Variants in PTPRN2 observed in about 807,000 individuals in gnomAD.
The protein encoded by PTPRN2 is protein tyrosine phosphatase receptor type N2, also known as receptor-type tyrosine-protein phosphatase N2.
In PTPRN2, 74 loss-of-function variants were observed where a neutral mutation model predicts 118.8. The observed-to-expected ratio is 0.62, with a 90% CI of 0.52 to 0.76. PTPRN2 has a LOEUF of 0.76. Among genes scored for constraint, PTPRN2 ranks in the 30% least tolerant of loss-of-function variants. The pLI is 0.00. For synonymous variants in PTPRN2, 641 were observed against 608.0 expected (o/e 1.05, Z -0.80); for missense variants, 1,481 against 1,394.4 (o/e 1.06, Z -0.99).
intron 11 of PTPRN2, among the ~76,000 whole-genome samples, chr7:158,057,610 C>T (rs1227052324): frequency 6.6e-6 from 1 of 152,202 alleles, no homozygotes; most frequent in African/African-American, 2.4e-5. Context: ...GGCCAGCTGC[C>T]CTCCCCTCCT....
At chr7:157,895,050 C>CCA (rs781544570) in intron 12 of PTPRN2, among the ~76,000 whole-genome samples, 1 of 150,858 alleles carries the variant, frequency 6.6e-6, no homozygotes, top group East Asian at 1.9e-4. Context: ...AAGAGGACCC[C>CCA]TCCCCCACAG....
At chr7:158,507,654 G>A (rs1395782743) in intron 1 of PTPRN2, among the ~76,000 whole-genome samples, 4 of 148,282 alleles carry the variant, frequency 2.7e-5, no homozygotes, top group African/African-American at 7.5e-5. Context: ...ACACATGAAG[G>A]TCAGTGAGGA....
intron 12 of PTPRN2, among the ~76,000 whole-genome samples, chr7:157,832,822 A>T (rs1368244560): frequency 6.6e-6 from 1 of 152,250 alleles, no homozygotes; most frequent in Non-Finnish European, 1.5e-5. Flanking sequence ...CAAAAGCAAC[A>T]GCAGAGAGTG....
At chr7:157,735,127 G>A (rs1329399399) in intron 12 of PTPRN2, among the ~76,000 whole-genome samples, 2 of 152,296 alleles carry the variant, frequency 1.3e-5, no homozygotes, top group East Asian at 1.9e-4. Context: ...AGCTGAACAC[G>A]GCTCCTGTGG....
At chr7:157,698,143 G>A (rs775940345) in intron 12 of PTPRN2, among the ~76,000 whole-genome samples, 3 of 152,248 alleles carry the variant, frequency 2.0e-5, no homozygotes, top group Non-Finnish European at 4.4e-5. Flanking sequence ...CAATGCAAAT[G>A]TAAGCAGTGC....
chr7:158,340,401 C>G (rs1240337912), intron 2 of PTPRN2, among the ~76,000 whole-genome samples: 4 of 71,178 alleles, frequency 5.6e-5, no homozygotes, highest in Non-Finnish European at 9.1e-5. Flanking sequence ...TAAGAGCTGA[C>G]ACCCGCAGAC....
intron 12 of PTPRN2, among the ~76,000 whole-genome samples, chr7:157,693,312 G>A (rs1006344868): frequency 9.9e-5 from 15 of 152,104 alleles, no homozygotes; most frequent in Admixed American, 6.5e-5. Flanking sequence ...CGGGGGCTGG[G>A]AGGGGATCGC....
At chr7:157,726,928 G>A (rs1035811708) in intron 12 of PTPRN2, among the ~76,000 whole-genome samples, 1 of 152,172 alleles carries the variant, frequency 6.6e-6, no homozygotes, top group African/African-American at 2.4e-5. Context: ...CAAAATCATT[G>A]GGGAAGCATG....
At chr7:158,407,389 CGTCCTGG>C (rs1182753340) in intron 2 of PTPRN2, among the ~76,000 whole-genome samples, 3 of 7,142 alleles carry the variant, frequency 4.2e-4, no homozygotes, top group African/African-American at 1.0e-3. Flanking sequence ...CTGGGTCCTG[CGTCCTGG>C]GTCCTGCGTC....
Position 157,903,647 on chromosome 7 carries a change from CT to C in PTPRN2, c.1724-4911del, listed in dbSNP as rs34261156. Among the ~76,000 whole-genome samples, 149 of 146,222 alleles carry C rather than the reference CT, an allele frequency of 1.0e-3. No homozygotes were observed. The highest frequency in any genetic ancestry group is 3.6e-3 in the Middle Eastern group (1 of 278). ...ATTAGTGTTTGGTTTTTTCTTTTTC[CT>C]TTTTTTTTTTTATACTAAAAGGTTT... On this transcript the variant is annotated intron_variant, in intron 11 of 22. Transcript: ENST00000389418. The surrounding 1 kb of genome is among the most constrained non-coding windows in gnomAD (Gnocchi z 4.2).
In PTPRN2 at chr7:157,766,083, C is replaced by T. The variant is rs569520289; in HGVS notation, c.1789-83146G>A. On this transcript the variant is annotated intron_variant, in intron 12 of 22. Coordinates refer to ENST00000389418, the MANE Select transcript of PTPRN2 (RefSeq NM_002847.5). ...CCATCCATCCATCTATCCGCCCACC[C>T]ATCCATCATCCATTCTTCTTCCATT... 4.7e-5 allele frequency among the ~76,000 whole-genome samples: 7 copies of T among 150,488 alleles called. No homozygotes were observed. In the South Asian group the frequency reaches 1.3e-3, roughly 27 times the overall value.
intron 1 of PTPRN2, among the ~76,000 whole-genome samples, chr7:158,562,149 C>T (rs1021304536): frequency 3.3e-5 from 5 of 152,206 alleles, no homozygotes; most frequent in African/African-American, 1.2e-4. Context: ...CTTGATTTCT[C>T]ACAGCTCTGA....
chr7:158,182,332 A>G (rs986821897), intron 5 of PTPRN2, among the ~76,000 whole-genome samples: 3 of 152,166 alleles, frequency 2.0e-5, no homozygotes, highest in African/African-American at 7.2e-5. Flanking sequence ...GTAGCCTAGT[A>G]TACAGTCTTT....
At chr7:158,118,794 C>T (rs908569854) in intron 9 of PTPRN2, among the ~76,000 whole-genome samples, 4 of 152,296 alleles carry the variant, frequency 2.6e-5, no homozygotes, top group Middle Eastern at 3.4e-3. Flanking sequence ...CTCAACCTTT[C>T]CAGGCTCAGG....
In PTPRN2 at chr7:157,540,760, G is replaced by A; in HGVS notation, c.3002C>T (p.Ala1001Val). ...GATGGCGTTCACCTCCTCAGCCACG[G>A]CTGTCAGCGCGAACTCAAACTGCTC... is the stretch of plus-strand genomic sequence containing the variant. The part of the protein sequence containing the change: ...TKEQFEFALT[A>V]VAEEVNAILK... The change falls in exon 23 of 23, where the codon GCC becomes GTC. Residue 1001 changes from alanine to valine, a missense_variant. Coordinates refer to ENST00000389418, the MANE Select transcript of PTPRN2 (RefSeq NM_002847.5). 1 of 1,569,268 alleles carries A rather than the reference G, an allele frequency of 6.4e-7. No individual in the cohort carries two copies.
chr7:158,246,128 CTAATTGAT>C (rs987673660), intron 3 of PTPRN2, among the ~76,000 whole-genome samples: 2 of 56,502 alleles, frequency 3.5e-5, no homozygotes, highest in African/African-American at 2.3e-4. Flanking sequence ...GCTGCATTCA[CTAATTGAT>C]TGATTGATTG....
intron 12 of PTPRN2, among the ~76,000 whole-genome samples, chr7:157,776,470 T>TCTCCCTCTCCTCCTCCCTCTCCTC (rs1449772998): frequency 1.7e-5 from 1 of 60,276 alleles, no homozygotes; most frequent in African/African-American, 6.9e-5. Context: ...TCCCTCTCCT[T>TCTCCCTCTCCTCCTCCCTCTCCTC]CTCCCTCTCC....
chr7:157,594,597 G>A (rs1465583784), intron 17 of PTPRN2, among the ~76,000 whole-genome samples: 1 of 152,228 alleles, frequency 6.6e-6, no homozygotes, highest in Non-Finnish European at 1.5e-5. Context: ...ACACGCGGCC[G>A]GTGCCTGTGC....
In PTPRN2 at chr7:157,874,644, G is replaced by A. The variant is rs775767524; in HGVS notation, c.1788+24029C>T. ...GAAGCGGAGGGGGGCAGAGAAGGCC[G>A]TGCCACCCAGCAGCACAAGGCAGGG... is the stretch of plus-strand genomic sequence containing the variant. On this transcript the variant is annotated intron_variant, in intron 12 of 22. Coordinates refer to ENST00000389418, the MANE Select transcript of PTPRN2 (RefSeq NM_002847.5). This position sits in a 1 kb window ranked among gnomAD's most constrained non-coding sequence, Gnocchi z 5.8. Among the ~76,000 whole-genome samples, 17 of 152,194 alleles carry A rather than the reference G, an allele frequency of 1.1e-4. No homozygotes were observed. Among genetic ancestry groups the A allele is most frequent in the African/African-American group, 3.6e-4 (15 of 41,446 alleles).
Sources: gnomAD v4.1 joint callset for allele counts (sites outside exome capture counted in the v4.1 genomes callset) on GRCh38, gnomAD v4.1.1 for gene constraint, Gnocchi (gnomAD v3.1) non-coding constraint, MANE v1.5 for transcripts, NCBI Gene and HGNC (gene_info 2026-07-23, HGNC 2026-07-21) for gene names.